Variants in ZNF837 observed in about 807,000 individuals in gnomAD.
ZNF837 encodes the protein zinc finger protein 837.
For synonymous variants in ZNF837, 475 were observed against 365.2 expected (o/e 1.30, Z -3.43); for missense variants, 955 against 801.7 (o/e 1.19, Z -2.31).
chr19:58,378,469 C>A (rs1485895045), intron 1 of ZNF837, among the ~76,000 whole-genome samples: 1 of 152,182 alleles, frequency 6.6e-6, no homozygotes, highest in Non-Finnish European at 1.5e-5. Context: ...AGGACCAGCA[C>A]TCAGCATGAC....
rs142376592 is a variant in ZNF837 at position 58,377,068 on chromosome 19, T to C, written c.-140+3873A>G. On this transcript the variant is annotated intron_variant, in intron 1 of 2. Transcript: ENST00000597582. ...CCATCTCTACTAAAAATACAAAAAA[T>C]TAGCCAGGCGAGGTGGCGCGCACCT... 6.7e-3 allele frequency among the ~76,000 whole-genome samples: 977 copies of C among 146,832 alleles called. 6 individuals are homozygous for C. Among genetic ancestry groups the C allele is most frequent in the Non-Finnish European group, 0.011 (730 of 67,060 alleles).
At chr19:58,376,816 A>AG (rs1315063709) in intron 1 of ZNF837, among the ~76,000 whole-genome samples, 16 of 151,676 alleles carry the variant, frequency 1.1e-4, no homozygotes, top group African/African-American at 3.9e-4. Context: ...GTAGTGGCTT[A>AG]TGCCTATAAT....
intron 1 of ZNF837, among the ~76,000 whole-genome samples, chr19:58,372,266 CG>C (rs2052208846): frequency 6.6e-6 from 1 of 152,030 alleles, no homozygotes; most frequent in South Asian, 2.1e-4. Context: ...ACCATGTTCA[CG>C]GGGCTGGTCT....
chr19:58,376,588 A>AAAAAAAAAAAAG (rs2052249327), intron 1 of ZNF837, among the ~76,000 whole-genome samples: 2 of 121,944 alleles, frequency 1.6e-5, no homozygotes, highest in Non-Finnish European at 3.4e-5. Flanking sequence ...AAAAAAAAAA[A>AAAAAAAAAAAAG]AAAGAAAGAA....
chr19:58,369,204 G>T lies in ZNF837; in HGVS notation c.129C>A (p.Arg43=). The part of the protein sequence containing the change: ...RPLEEDRAGS[R]PTQKGDLRGA... The stretch of plus-strand genomic sequence containing the variant: ...CACGCAGGTCCCCCTTTTGAGTGGG[G>T]CGGCTCCCAGCTCGGTCCTCTTCGA... Residue 43 remains arginine, a synonymous_variant, in exon 3 of 3, where the codon CGC becomes CGA. Coordinates refer to ENST00000597582, the MANE Select transcript of ZNF837 (RefSeq NM_138466.2). 23 of 1,446,700 alleles carry T rather than the reference G, an allele frequency of 1.6e-5. No individual in the cohort carries two copies. Among genetic ancestry groups the T allele is most frequent in the Non-Finnish European group, 1.8e-5 (20 of 1,101,902 alleles). The allele number at this position is 1,446,700 out of a possible 1,614,324, so 89.6% of individuals were successfully genotyped here.
intron 1 of ZNF837, among the ~76,000 whole-genome samples, chr19:58,375,131 C>T (rs187601535): frequency 0.021 from 3,041 of 144,376 alleles, 42 homozygotes; most frequent in Middle Eastern, 0.079. Context: ...TGGTGGCAGG[C>T]GCCTGTAGTC....
At position 58,380,964 on chromosome 19, in the gene ZNF837, T is replaced by TC. The variant is rs11394418; in HGVS notation, c.-164dup. 1 allele frequency: 152,297 copies of TC among 152,300 alleles called. 76,147 individuals carry two copies. The highest frequency in any genetic ancestry group is 1 in the Middle Eastern group (292 of 292). 9.4% of individuals were successfully genotyped at this position (152,300 alleles called of 1,614,324 possible). A position where few individuals can be genotyped will look rare whatever the true frequency, so the allele number is the denominator to read the frequency against. On this transcript the variant is annotated 5_prime_UTR_variant, in exon 1 of 3. It removes the in-frame stop codon of an upstream open reading frame in the 5' UTR. Transcript: ENST00000597582. ...ACTCTCTGGAGGCGGCCCGCACGGG[T>TC]CCCTGGTCCCCGCCCCGCATGCAGC... is the stretch of plus-strand genomic sequence containing the variant.
chr19:58,373,905 A>T (rs928729026), intron 1 of ZNF837, among the ~76,000 whole-genome samples: 1 of 152,210 alleles, frequency 6.6e-6, no homozygotes, highest in African/African-American at 2.4e-5. Context: ...GCGGGACAAG[A>T]TTTCAAAAAG....
chr19:58,370,040 ATT>A (rs2052185740), intron 1 of ZNF837, 112 bp from the exon 2 acceptor site: 1 of 152,204 alleles, frequency 6.6e-6, no homozygotes, highest in African/African-American at 2.4e-5. Flanking sequence ...TGCTATTACT[ATT>A]TTAAAATTAC....
At position 58,367,790 on chromosome 19, in the gene ZNF837, G is replaced by C; in HGVS notation, c.1543C>G (p.Arg515Gly). 1 of 1,536,266 alleles carries C rather than the reference G, an allele frequency of 6.5e-7. No homozygotes were observed. The highest frequency in any genetic ancestry group is 8.7e-7 in the Non-Finnish European group (1 of 1,146,016). ...CGDCGRAFSQ[R>G]SNLNEHRKRH... ...TTCCGGTGCTCGTTGAGGTTGGAGC[G>C]TTGGCTGAAGGCGCGGCCGCAATCT... is the stretch of plus-strand genomic sequence containing the variant. The change falls in exon 3 of 3, where the codon CGC becomes GGC. Residue 515 changes from arginine (R) to glycine (G), a missense_variant. Physicochemically the swap from Arg to Gly is moderately radical, Grantham distance 125 (BLOSUM62 -2). Transcript: ENST00000597582.
At chr19:58,371,218 G>A (rs909175548) in intron 1 of ZNF837, among the ~76,000 whole-genome samples, 3 of 146,412 alleles carry the variant, frequency 2.0e-5, no homozygotes, top group African/African-American at 7.6e-5. Context: ...TCCAGCCTGG[G>A]CGACAGAACG....
intron 1 of ZNF837, among the ~76,000 whole-genome samples, chr19:58,374,639 A>G (rs2052226685): frequency 6.6e-6 from 1 of 152,166 alleles, no homozygotes; most frequent in Non-Finnish European, 1.5e-5. Context: ...TTAAAACCTA[A>G]AAAATATACT....
At chr19:58,371,986 G>A (rs1327955114) in intron 1 of ZNF837, among the ~76,000 whole-genome samples, 3 of 152,120 alleles carry the variant, frequency 2.0e-5, no homozygotes, top group Non-Finnish European at 4.4e-5. Flanking sequence ...CTCCCAAAGC[G>A]CTGGGATTAC....
At chr19:58,374,037 G>A (rs552485912) in intron 1 of ZNF837, among the ~76,000 whole-genome samples, 5 of 152,304 alleles carry the variant, frequency 3.3e-5, no homozygotes, top group Admixed American at 2.6e-4. Flanking sequence ...TTTGCCCTGA[G>A]GACAAGAAGA....
intron 1 of ZNF837, among the ~76,000 whole-genome samples, chr19:58,370,743 A>G (rs1181795043): frequency 6.6e-6 from 1 of 151,880 alleles, no homozygotes; most frequent in Non-Finnish European, 1.5e-5. Flanking sequence ...TAAAAATACA[A>G]AATTAGCCAG....
At position 58,369,368 on chromosome 19, in the gene ZNF837, G is replaced by T. The variant is rs1202567768; in HGVS notation, c.-29-7C>A. ...AGAGTTCTGGTTGTAGGATCTGGAA[G>T]AGCAGAGAAGAAATGGAGGTTGGCG... is the stretch of plus-strand genomic sequence containing the variant. On this transcript the variant is annotated splice_polypyrimidine_tract_variant and splice_region_variant and intron_variant, in intron 2 of 2. Coordinates refer to ENST00000597582, the MANE Select transcript of ZNF837 (RefSeq NM_138466.2). 36 of 1,328,986 alleles carry T rather than the reference G, an allele frequency of 2.7e-5. No homozygotes were observed. Among genetic ancestry groups the T allele is most frequent in the Non-Finnish European group, 3.4e-5 (36 of 1,043,954 alleles). The allele number at this position is 1,328,986 out of a possible 1,614,324, so 82.3% of individuals were successfully genotyped here.
rs542402200 is a variant in ZNF837, at chr19:58,368,593, G to C, written c.740C>G (p.Pro247Arg). 9 of 1,535,500 alleles carry C rather than the reference G, an allele frequency of 5.9e-6. No individual in the cohort carries two copies. The highest frequency in any genetic ancestry group is 7.9e-6 in the Non-Finnish European group (9 of 1,144,956). The change falls in exon 3 of 3, where the codon CCA (proline) becomes CGA (arginine). Residue 247 changes from proline (P) to arginine (R), a missense_variant. Pro to Arg is a moderately radical substitution (Grantham distance 103). Transcript: ENST00000597582. The stretch of plus-strand genomic sequence containing the variant: ...GGTTTGGCCGCACTCAGGACACACT[G>C]GGGGACTCTTGCCCGCCTGCTGCTG... ...NQQQQAGKSP[P>R]VCPECGQTSR...
intron 1 of ZNF837, among the ~76,000 whole-genome samples, chr19:58,380,347 G>A (rs2052279862): frequency 2.0e-5 from 3 of 152,216 alleles, no homozygotes; most frequent in Non-Finnish European, 2.9e-5. Flanking sequence ...ACTGTGTCAG[G>A]GCCAAACGGT....
intron 1 of ZNF837, among the ~76,000 whole-genome samples, chr19:58,372,761 A>C (rs1169862040): frequency 6.6e-6 from 1 of 152,244 alleles, no homozygotes; most frequent in African/African-American, 2.4e-5. Context: ...ATTGATGGCC[A>C]GCACTCTGGG....
Sources: allele counts gnomAD v4.1 joint callset (sites outside exome capture counted in the v4.1 genomes callset), GRCh38; gene constraint gnomAD v4.1.1; transcripts MANE v1.5; gene names NCBI Gene and HGNC (gene_info 2026-07-23, HGNC 2026-07-21).